SCARA5: variants seen among roughly 807,000 people sequenced by gnomAD.
SCARA5 encodes scavenger receptor class A member 5.
A neutral mutation model predicts 46.3 loss-of-function variants in SCARA5; 45 were observed. That is an observed-to-expected ratio of 0.97 (90% CI 0.76 to 1.24). The LOEUF (loss-of-function observed/expected upper bound fraction) is 1.24. Ranked by LOEUF, SCARA5 falls within the 50% of genes most tolerant of loss-of-function variation. The pLI is 0.00. For missense variants in SCARA5, 680 were observed against 689.0 expected (o/e 0.99, Z 0.15); for synonymous variants, 333 against 306.5 (o/e 1.09, Z -0.90).
intron 2 of SCARA5, among the ~76,000 whole-genome samples, chr8:27,987,182 C>T (rs758639536): frequency 1.3e-5 from 2 of 152,198 alleles, no homozygotes; most frequent in Non-Finnish European, 2.9e-5. Flanking sequence ...GAGGCCCTTG[C>T]CTGACCCGAG....
At chr8:27,938,020 G>A (rs1807884749) in intron 3 of SCARA5, among the ~76,000 whole-genome samples, 1 of 152,196 alleles carries the variant, frequency 6.6e-6, no homozygotes, top group Non-Finnish European at 1.5e-5. Flanking sequence ...AGCGGTTAGG[G>A]AGGGCTCTTC....
chr8:27,952,468 G>A (rs1402635644), intron 3 of SCARA5, among the ~76,000 whole-genome samples: 2 of 152,128 alleles, frequency 1.3e-5, no homozygotes, highest in East Asian at 1.9e-4. Flanking sequence ...AGTGGTCAGG[G>A]GGCTTTCTGC....
intron 3 of SCARA5, among the ~76,000 whole-genome samples, chr8:27,949,486 C>T (rs923878029): frequency 1.3e-5 from 2 of 152,160 alleles, no homozygotes; most frequent in African/African-American, 4.8e-5. Flanking sequence ...ATTACTGTAA[C>T]CGTAAGGGTG....
rs147094988 is a variant in SCARA5, at chr8:27,935,209, T to C, written c.242-12964A>G. Among the ~76,000 whole-genome samples the C allele has an allele frequency of 4.6e-3, 694 of 152,110 alleles. 4 individuals are homozygous for C. The highest frequency in any genetic ancestry group is 7.8e-3 in the Non-Finnish European group (527 of 67,978). ...CTATTGTTTTAAGCTGTCTCATTGG[T>C]GGTAATTTGTTAGGCAGCCTCGGGA... On this transcript the variant is annotated intron_variant, in intron 3 of 8. Transcript: ENST00000354914.
chr8:27,958,799 G>T (rs906734422), intron 3 of SCARA5, among the ~76,000 whole-genome samples: 17 of 152,218 alleles, frequency 1.1e-4, no homozygotes, highest in Non-Finnish European at 2.4e-4. Flanking sequence ...ACGCAATGGG[G>T]GAGCACCTAC....
In SCARA5 at chr8:27,989,117, GTTTC is replaced by G. The variant is rs1207972818; in HGVS notation, c.-15-1491_-15-1488del. Among the ~76,000 whole-genome samples, 4 of 128,630 alleles carry G rather than the reference GTTTC, an allele frequency of 3.1e-5. No homozygotes were observed. In the East Asian group the frequency reaches 6.7e-4, roughly 22 times the overall value. 84.4% of individuals were successfully genotyped at this position (128,630 alleles called of 152,430 possible). On this transcript the variant is annotated intron_variant, in intron 1 of 8. Transcript: ENST00000354914. ...TTTTCTTTCTTCTTTTTTTTTTTCT[GTTTC>G]TTTCTTTCTTTTTTTTTTTTTTTTT...
At chr8:27,878,379 A>ACCAGG (rs1016123707) in intron 8 of SCARA5, among the ~76,000 whole-genome samples, 1 of 152,186 alleles carries the variant, frequency 6.6e-6, no homozygotes, top group African/African-American at 2.4e-5. Context: ...TGTGGGGAGT[A>ACCAGG]CCAGGTTTGT....
chr8:27,926,385 G>T (rs1415066792), intron 3 of SCARA5, among the ~76,000 whole-genome samples: 1 of 152,100 alleles, frequency 6.6e-6, no homozygotes, highest in Non-Finnish European at 1.5e-5. Flanking sequence ...CTCATAGGTG[G>T]GAATTGAACA....
In SCARA5 at chr8:27,974,671, T is replaced by C. The variant is rs1458245800; in HGVS notation, c.113-8129A>G. ...CACAATGGTTACTCATCACTCACAT[T>C]GTTCACTGTAACAGGCAGCCACAAA... On this transcript the variant is annotated intron_variant, in intron 2 of 8. Transcript: ENST00000354914. Among the ~76,000 whole-genome samples the C allele has an allele frequency of 6.7e-5, 10 of 148,678 alleles. No individual in the cohort carries two copies. In the Admixed American group the frequency reaches 6.8e-4, roughly 10 times the overall value.
intron 7 of SCARA5, among the ~76,000 whole-genome samples, chr8:27,880,534 A>G (rs1356773260): frequency 1.3e-5 from 2 of 152,132 alleles, no homozygotes; most frequent in Non-Finnish European, 2.9e-5. Flanking sequence ...CAAAAAACAA[A>G]TAACCCCATC....
intron 3 of SCARA5, among the ~76,000 whole-genome samples, chr8:27,962,539 C>T (rs1049497785): frequency 6.6e-6 from 1 of 152,160 alleles, no homozygotes; most frequent in Non-Finnish European, 1.5e-5. Context: ...TCCCAAGATG[C>T]GTGATAGAAT....
At chr8:27,968,461 CATA>C (rs1453250911) in intron 2 of SCARA5, among the ~76,000 whole-genome samples, 7 of 152,292 alleles carry the variant, frequency 4.6e-5, no homozygotes, top group Admixed American at 3.3e-4. Flanking sequence ...CATCCTTTAC[CATA>C]CACTAGGCTC....
At chr8:27,878,999 G>C (rs1248339100) in intron 8 of SCARA5, among the ~76,000 whole-genome samples, 1 of 152,076 alleles carries the variant, frequency 6.6e-6, no homozygotes, top group African/African-American at 2.4e-5. Context: ...TGGGAGGATC[G>C]CTTGAGCCCG....
chr8:27,992,235 C>A (rs1185348034), intron 1 of SCARA5, 22 bp downstream of exon 1: 3 of 152,296 alleles, frequency 2.0e-5, no homozygotes, highest in African/African-American at 4.8e-5. Context: ...GGAGATAGGA[C>A]AAAATTAGTA....
chr8:27,980,246 G>A (rs991205030), intron 2 of SCARA5, among the ~76,000 whole-genome samples: 1 of 152,210 alleles, frequency 6.6e-6, no homozygotes, highest in African/African-American at 2.4e-5. Context: ...AGGAAGCAGA[G>A]GCCAGGAGCT....
intron 3 of SCARA5, among the ~76,000 whole-genome samples, chr8:27,928,127 A>G (rs1243971845): frequency 6.6e-6 from 1 of 152,184 alleles, no homozygotes; most frequent in Non-Finnish European, 1.5e-5. Context: ...CAACAGTCAG[A>G]GCGTGTTCTC....
At chr8:27,935,617 T>A (rs1807842498) in intron 3 of SCARA5, among the ~76,000 whole-genome samples, 1 of 152,118 alleles carries the variant, frequency 6.6e-6, no homozygotes. Flanking sequence ...ATGGGAAGGC[T>A]GAGACCCAGG....
intron 3 of SCARA5, among the ~76,000 whole-genome samples, chr8:27,949,514 C>A (rs918220089): frequency 6.6e-6 from 1 of 152,172 alleles, no homozygotes; most frequent in African/African-American, 2.4e-5. Flanking sequence ...GTGAGGTTGG[C>A]AGCTACCATG....
chr8:27,916,847 C>T (rs931397676), intron 4 of SCARA5, among the ~76,000 whole-genome samples: 1 of 152,060 alleles, frequency 6.6e-6, no homozygotes. Context: ...TGTTTGCATC[C>T]CCCCCGATTT....
Sources: allele counts gnomAD v4.1 joint callset (sites outside exome capture counted in the v4.1 genomes callset), GRCh38; gene constraint gnomAD v4.1.1; transcripts MANE v1.5; gene names NCBI Gene and HGNC (gene_info 2026-07-23, HGNC 2026-07-21).